Variants in FTO observed in about 807,000 individuals in gnomAD.
FTO encodes the protein FTO alpha-ketoglutarate dependent dioxygenase.
A neutral mutation model predicts 63.9 loss-of-function variants in FTO; 47 were observed. The ratio of observed to expected loss-of-function variants is 0.74; its 90% CI spans 0.58 to 0.94. The LOEUF is 0.94. Among genes scored for constraint, FTO ranks in the 40% least tolerant of loss-of-function variants. FTO has a pLI of 0.00. For synonymous variants in FTO, 207 were observed against 224.4 expected, an observed-to-expected ratio of 0.92 and a Z score of 0.69; for missense variants, 562 against 618.1, an observed-to-expected ratio of 0.91 and a Z score of 0.96.
chr16:53,879,691 T>TA (rs34252518), intron 5 of FTO, among the ~76,000 whole-genome samples, 153 bp from the exon 6 acceptor site: 3,261 of 95,066 alleles, frequency 0.034, 152 homozygotes, highest in African/African-American at 0.12. Context: ...ATCTCAAAAT[T>TA]AAAAAAAAAA....
At chr16:54,067,336 A>G (rs2085757755) in intron 8 of FTO, among the ~76,000 whole-genome samples, 2 of 152,206 alleles carry the variant, frequency 1.3e-5, no homozygotes, top group South Asian at 2.1e-4. Context: ...TCACTTATTT[A>G]TGGCTCAGAG....
chr16:54,015,782 GC>G (rs2084430273), intron 8 of FTO, among the ~76,000 whole-genome samples: 1 of 152,198 alleles, frequency 6.6e-6, no homozygotes, highest in East Asian at 1.9e-4. Flanking sequence ...ATCCCTGTTT[GC>G]CAGATAAGGA....
chr16:53,794,772 T>A (rs573754680), intron 1 of FTO, among the ~76,000 whole-genome samples: 4 of 152,118 alleles, frequency 2.6e-5, no homozygotes, highest in African/African-American at 9.6e-5. Flanking sequence ...AGCACAGGGA[T>A]CCTGGTGGAG....
chr16:53,870,233 A>C (rs1361419233), intron 4 of FTO, among the ~76,000 whole-genome samples: 3 of 152,186 alleles, frequency 2.0e-5, no homozygotes, highest in Non-Finnish European at 4.4e-5. Flanking sequence ...ATAAATAAAT[A>C]AATAAAGTCG....
chr16:53,907,624 A>G (rs903269830), intron 7 of FTO, among the ~76,000 whole-genome samples: 5 of 152,164 alleles, frequency 3.3e-5, no homozygotes, highest in Non-Finnish European at 7.3e-5. Flanking sequence ...TCTGTCCTTT[A>G]TCCTCAGCCC....
chr16:54,036,095 G>A (rs146043001), intron 8 of FTO, among the ~76,000 whole-genome samples: 3 of 152,158 alleles, frequency 2.0e-5, no homozygotes, highest in Admixed American at 6.5e-5. Flanking sequence ...CTGGTATATC[G>A]TTAAATACCT....
intron 1 of FTO, among the ~76,000 whole-genome samples, chr16:53,738,495 T>C (rs747063543): frequency 6.6e-6 from 1 of 152,212 alleles, no homozygotes; most frequent in Non-Finnish European, 1.5e-5. Flanking sequence ...CATTCATTAG[T>C]TGATGGACAT....
At chr16:53,758,598 C>T (rs1427023092) in intron 1 of FTO, among the ~76,000 whole-genome samples, 1 of 152,198 alleles carries the variant, frequency 6.6e-6, no homozygotes, top group African/African-American at 2.4e-5. Context: ...GCACATTCAG[C>T]TTCTGATCTG....
chr16:53,826,552 G>A (rs1025657664), intron 3 of FTO, 61 bp downstream of exon 3: 2 of 1,538,010 alleles, frequency 1.3e-6, no homozygotes, highest in South Asian at 2.2e-5. Flanking sequence ...AGTTGTTTAG[G>A]CTCTGGAGAT....
intron 1 of FTO, among the ~76,000 whole-genome samples, chr16:53,707,972 A>G (rs978439395): frequency 1.3e-4 from 20 of 152,214 alleles, no homozygotes; most frequent in Non-Finnish European, 2.1e-4. Flanking sequence ...CTCATACAAT[A>G]TGTGGTCTTC....
intron 8 of FTO, among the ~76,000 whole-genome samples, chr16:53,949,803 C>CT (rs1355811178): frequency 1.3e-5 from 2 of 151,936 alleles, no homozygotes; most frequent in African/African-American, 4.8e-5. Context: ...CCTTGGCAGC[C>CT]TTTTGGATAA....
At chr16:53,751,596 G>C (rs547636992) in intron 1 of FTO, among the ~76,000 whole-genome samples, 1 of 152,236 alleles carries the variant, frequency 6.6e-6, no homozygotes, top group African/African-American at 2.4e-5. Context: ...TCTATAACAG[G>C]CAAATCTATG....
chr16:53,865,287 C>T (rs2080276337), intron 4 of FTO, among the ~76,000 whole-genome samples: 1 of 152,160 alleles, frequency 6.6e-6, no homozygotes, highest in Admixed American at 6.6e-5. Context: ...TAGTCAGGAT[C>T]AACCAAAACT....
At chr16:53,982,246 G>T (rs2083563270) in intron 8 of FTO, among the ~76,000 whole-genome samples, 1 of 152,126 alleles carries the variant, frequency 6.6e-6, no homozygotes, top group Non-Finnish European at 1.5e-5. Flanking sequence ...GTGAAGGGTT[G>T]TACCCTTACA....
chr16:53,739,301 G>A (rs747114927), intron 1 of FTO, among the ~76,000 whole-genome samples: 14 of 151,950 alleles, frequency 9.2e-5, no homozygotes, highest in Non-Finnish European at 1.6e-4. Context: ...TGCCTCCTGG[G>A]TTCACACCAT....
At chr16:53,887,871 T>G (rs1033560646) in intron 6 of FTO, 3 of 152,136 alleles carry the variant, frequency 2.0e-5, no homozygotes, top group African/African-American at 4.8e-5. Context: ...ATAATTAGTT[T>G]TATATATATA....
At chr16:53,873,998 G>GT in intron 5 of FTO, 133 bp downstream of exon 5, 1 of 695,636 alleles carries the variant, frequency 1.4e-6, no homozygotes, top group Non-Finnish European at 2.6e-6. Flanking sequence ...TTTCGTCTCT[G>GT]TTTACTTGCT....
chr16:53,976,716 A>G (rs1421089075), intron 8 of FTO, among the ~76,000 whole-genome samples: 3 of 151,940 alleles, frequency 2.0e-5, no homozygotes, highest in African/African-American at 4.8e-5. Context: ...TTATTTCTTC[A>G]TTTATTTATG....
chr16:54,097,074 G>A lies in FTO; in HGVS notation c.1365-14688G>A, dbSNP rs1465550345. ...TGCCCTAGTAGTGAGGATCACATGG[G>A]ATAATGCATATGGACGTAAGCCATA... On this transcript the variant is annotated intron_variant, in intron 8 of 8. Coordinates refer to ENST00000471389, the MANE Select transcript of FTO (RefSeq NM_001080432.3). 3.3e-5 allele frequency among the ~76,000 whole-genome samples: 5 copies of A among 152,270 alleles called. No individual in the cohort carries two copies. The East Asian group carries it at 9.7e-4, about 29-fold the overall frequency.
Sources: allele counts gnomAD v4.1 joint callset (sites outside exome capture counted in the v4.1 genomes callset), GRCh38; gene constraint gnomAD v4.1.1; transcripts MANE v1.5; gene names NCBI Gene and HGNC (gene_info 2026-07-23, HGNC 2026-07-21).